Variants in AR observed in about 807,000 individuals in gnomAD.
AR encodes the protein dihydrotestosterone receptor.
Under a neutral mutation model 53.9 loss-of-function variants are expected in AR, and 8 were observed. That is an observed-to-expected ratio of 0.15 (90% CI 0.09 to 0.27). AR has a LOEUF of 0.27. Ranked by LOEUF, AR falls within the 10% of genes least tolerant of loss-of-function variation. AR has a pLI of 1.00. For synonymous variants in AR, 359 were observed against 316.4 expected, an observed-to-expected ratio of 1.13 and a Z score of -1.43; for missense variants, 639 against 742.5, an observed-to-expected ratio of 0.86 and a Z score of 1.62.
chrX:67,545,191 G>A lies in AR; in HGVS notation c.45G>A (p.Pro15=), dbSNP rs144502467. 3.4e-4 allele frequency: 410 copies of A among 1,204,255 alleles called. No homozygotes were observed. The highest frequency in any genetic ancestry group is 8.1e-4 in the South Asian group (45 of 55,553). The change falls in exon 1 of 8, where the codon CCG becomes CCA. Residue 15 remains proline (P), a synonymous_variant. Coordinates refer to ENST00000374690, the MANE Select transcript of AR (RefSeq NM_000044.6). ...TGGGAAGGGTCTACCCTCGGCCGCC[G>A]TCCAAGACCTACCGAGGAGCTTTCC... is the stretch of plus-strand genomic sequence containing the variant. The part of the protein sequence containing the change: ...LGLGRVYPRP[P]SKTYRGAFQN...
chrX:67,721,252 A>G (rs1056771433), intron 5 of AR, among the ~76,000 whole-genome samples: 1 of 112,347 alleles, frequency 8.9e-6, no homozygotes, highest in African/African-American at 3.2e-5. Flanking sequence ...TGAAAGAACA[A>G]TGTGGAATCT....
At chrX:67,638,906 C>T (rs1925595699) in intron 1 of AR, among the ~76,000 whole-genome samples, 1 of 111,798 alleles carries the variant, frequency 8.9e-6, no homozygotes, top group Non-Finnish European at 1.9e-5. Flanking sequence ...TTGCCCATGC[C>T]TATGTCCTGA....
At chrX:67,664,607 G>A (rs1411181320) in intron 2 of AR, among the ~76,000 whole-genome samples, 3 of 112,177 alleles carry the variant, frequency 2.7e-5, no homozygotes, top group Admixed American at 9.4e-5. Flanking sequence ...CAGATCTCCA[G>A]CTGCATACTG....
At chrX:67,686,412 G>A (rs1273754273) in intron 3 of AR, among the ~76,000 whole-genome samples, 2 of 111,625 alleles carry the variant, frequency 1.8e-5, no homozygotes, top group African/African-American at 6.5e-5. Context: ...ATCTGACTGG[G>A]CAGGGCCCCC....
intron 2 of AR, among the ~76,000 whole-genome samples, chrX:67,671,642 C>T (rs181493656): frequency 6.9e-4 from 77 of 111,575 alleles, no homozygotes; most frequent in Non-Finnish European, 1.2e-3. Flanking sequence ...GTTGCCATTG[C>T]TTCTGGTGTT....
intron 2 of AR, among the ~76,000 whole-genome samples, chrX:67,662,584 C>G (rs1926990309): frequency 9.0e-6 from 1 of 111,350 alleles, no homozygotes; most frequent in African/African-American, 3.3e-5. Flanking sequence ...TGTTCTTTTA[C>G]ATTTGCTGAG....
chrX:67,722,666 A>G, intron 6 of AR, 161 bp from the exon 7 acceptor site: 1 of 563,867 alleles, frequency 1.8e-6, no homozygotes, highest in South Asian at 2.7e-5. Context: ...TCCCTGACAG[A>G]CTGAAGGCCC....
intron 2 of AR, among the ~76,000 whole-genome samples, chrX:67,650,076 A>G (rs1390665284): frequency 8.9e-6 from 1 of 112,162 alleles, no homozygotes; most frequent in Non-Finnish European, 1.9e-5. Flanking sequence ...AAACAAAAGG[A>G]GAAACATTCC....
At chrX:67,626,501 T>C (rs1168056623) in intron 1 of AR, among the ~76,000 whole-genome samples, 2 of 82,275 alleles carry the variant, frequency 2.4e-5, no homozygotes, top group African/African-American at 8.7e-5. Flanking sequence ...ACTGCAGTGG[T>C]GCAATCTCAG....
intron 3 of AR, among the ~76,000 whole-genome samples, chrX:67,708,879 G>T (rs1282896813): frequency 1.8e-5 from 2 of 112,403 alleles, no homozygotes; most frequent in Middle Eastern, 9.1e-3. Flanking sequence ...CTCAGCTGCA[G>T]GTCTGTTGGA....
intron 4 of AR, among the ~76,000 whole-genome samples, chrX:67,712,697 C>A (rs1302133253): frequency 8.9e-6 from 1 of 111,987 alleles, no homozygotes; most frequent in Non-Finnish European, 1.9e-5. Flanking sequence ...CTTAGGGCTC[C>A]AAGGAACACA....
intron 1 of AR, among the ~76,000 whole-genome samples, chrX:67,609,295 T>A (rs757612354): frequency 1.8e-5 from 2 of 111,459 alleles, no homozygotes; most frequent in Admixed American, 9.6e-5. Context: ...ATGAGAAGAT[T>A]TTTTGGAACC....
At chrX:67,648,811 G>A (rs1255034087) in intron 2 of AR, among the ~76,000 whole-genome samples, 2 of 112,070 alleles carry the variant, frequency 1.8e-5, no homozygotes, top group Non-Finnish European at 3.8e-5. Context: ...TTTGTCACTT[G>A]CAAGACCTTT....
intron 1 of AR, among the ~76,000 whole-genome samples, chrX:67,622,297 C>T (rs1322779278): frequency 9.1e-6 from 1 of 109,323 alleles, no homozygotes; most frequent in Non-Finnish European, 1.9e-5. Flanking sequence ...GGCTGATTGG[C>T]TATGATGGCT....
rs572897347 is a variant in AR, at chrX:67,562,871, T to C, written c.1616+16109T>C. On this transcript the variant is annotated intron_variant, in intron 1 of 7. Coordinates refer to ENST00000374690, the MANE Select transcript of AR (RefSeq NM_000044.6). ...GTAGAGCACTCTTCTTATAGAGTTA[T>C]TATAAGAATGAAATAAAACAACTAG... is the stretch of plus-strand genomic sequence containing the variant. Among the ~76,000 whole-genome samples, 42 of 111,995 alleles carry C rather than the reference T, an allele frequency of 3.8e-4. No homozygotes were observed. The South Asian group carries it at 0.015, about 40-fold the overall frequency.
intron 2 of AR, among the ~76,000 whole-genome samples, chrX:67,680,188 T>G (rs2147489680): frequency 8.9e-6 from 1 of 112,257 alleles, no homozygotes; most frequent in Admixed American, 9.4e-5. Flanking sequence ...GAATGGCATA[T>G]TCCATATACT....
chrX:67,658,104 C>A (rs1488102609), intron 2 of AR, among the ~76,000 whole-genome samples: 1 of 111,942 alleles, frequency 8.9e-6, no homozygotes, highest in Non-Finnish European at 1.9e-5. Flanking sequence ...ACACATTCAG[C>A]CATAATCAAG....
intron 1 of AR, among the ~76,000 whole-genome samples, chrX:67,590,059 T>A (rs1328536319): frequency 9.0e-6 from 1 of 111,716 alleles, no homozygotes; most frequent in African/African-American, 3.3e-5. Flanking sequence ...CACACTCTTA[T>A]TCTTTTGTCT....
chrX:67,709,099 G>A (rs1441289117), intron 3 of AR, among the ~76,000 whole-genome samples: 1 of 112,138 alleles, frequency 8.9e-6, no homozygotes, highest in Non-Finnish European at 1.9e-5. Context: ...GGAGCCACTT[G>A]AGGAGGCAGT....
Sources: allele counts gnomAD v4.1 joint callset (sites outside exome capture counted in the v4.1 genomes callset), GRCh38; gene constraint gnomAD v4.1.1; transcripts MANE v1.5; gene names NCBI Gene and HGNC (gene_info 2026-07-23, HGNC 2026-07-21).